Variants in ISLR2 observed in about 807,000 individuals in gnomAD.
The protein encoded by ISLR2 is immunoglobulin superfamily containing leucine rich repeat 2.
A neutral mutation model predicts 25.5 loss-of-function variants in ISLR2; 16 were observed. The ratio of observed to expected loss-of-function variants is 0.63; its 90% CI spans 0.43 to 0.95. ISLR2 has a LOEUF of 0.95. ISLR2 is among the 40% of genes least tolerant of loss of function. The probability of loss-of-function intolerance (pLI) is 0.00; values close to 1 mark genes in which losing one functional copy is unlikely to be tolerated. For synonymous variants in ISLR2, 508 were observed against 486.6 expected (o/e 1.04, Z -0.58); for missense variants, 883 against 1,030.7 (o/e 0.86, Z 1.96).
chr15:74,134,842 G>C lies in ISLR2; in HGVS notation c.2088G>C (p.Leu696=). ...GGGACCTGCAGAGAGAGGAGAGCCT[G>C]GCGGCCTGCTCACTGGTGGAGTCCC... is the stretch of plus-strand genomic sequence containing the variant. ...PSGDLQREES[L]AACSLVESQS... Residue 696 remains leucine, a synonymous_variant, in exon 3 of 3, where the codon CTG becomes CTC. Transcript: ENST00000453268. 1 of 1,614,186 alleles carries C rather than the reference G, an allele frequency of 6.2e-7. No individual in the cohort carries two copies. The highest frequency in any genetic ancestry group is 1.1e-5 in the South Asian group (1 of 91,090).
rs767422428 is a variant in ISLR2, at chr15:74,134,197, G to T, written c.1443G>T (p.Pro481=). 7.8e-5 allele frequency: 126 copies of T among 1,609,958 alleles called. 5 individuals carry two copies. The Middle Eastern group carries it at 9.9e-4, about 13-fold the overall frequency. ...TCAACCAGAGCGCAGAGCTCAAGCCGCACGTCTTCGAGCTGGGCGTCATCG... is the reference window on the plus strand; with the variant it reads ...TCAACCAGAGCGCAGAGCTCAAGCCTCACGTCTTCGAGCTGGGCGTCATCG... ...HAFNQSAELK[P]HVFELGVIAL... is the part of the protein sequence containing the mutation. The change falls in exon 3 of 3, where the codon CCG becomes CCT. Residue 481 remains proline, a synonymous_variant. Coordinates refer to ENST00000453268, the MANE Select transcript of ISLR2 (RefSeq NM_020851.3).
chr15:74,125,718 G>A (rs2072289623), upstream of ISLR2, among the ~76,000 whole-genome samples: 1 of 152,226 alleles, frequency 6.6e-6, no homozygotes, highest in East Asian at 1.9e-4. Context: ...ATGCTGGGAG[G>A]AGGGTCATGG....
rs889455556 is a variant in ISLR2, at chr15:74,132,623, G to C, written c.-8-124G>C. On this transcript the variant is annotated intron_variant, in intron 2 of 2. Transcript: ENST00000453268. This position sits in a 1 kb window ranked among gnomAD's most constrained non-coding sequence, Gnocchi z 4.3. ...CACTTCAGAGAGGCTCCTGGCCATA[G>C]AGGAGGTTACCGGAGCCCTGGAACT... The C allele has an allele frequency of 6.0e-6, 8 of 1,326,208 alleles. No homozygotes were observed. Among genetic ancestry groups the C allele is most frequent in the African/African-American group, 3.0e-5 (2 of 67,542 alleles). 82.2% of individuals were successfully genotyped at this position (1,326,208 alleles called of 1,614,324 possible). A position where few individuals can be genotyped will look rare whatever the true frequency, so the allele number is the denominator to read the frequency against.
At chr15:74,105,827 C>T (rs1465986125) in intron 2 of ISLR2, among the ~76,000 whole-genome samples, 15 of 152,028 alleles carry the variant, frequency 9.9e-5, no homozygotes, top group Admixed American at 8.5e-4. Flanking sequence ...CACCCAGCCT[C>T]GAAAACCAGT....
At chr15:74,129,211 TA>T, upstream of ISLR2, 1 of 371,626 alleles carries the variant, frequency 2.7e-6, no homozygotes, top group Non-Finnish European at 5.3e-6. The surrounding 1 kb of genome is among the most constrained non-coding windows in gnomAD (Gnocchi z 4.5). Flanking sequence ...ACGGCAGGAG[TA>T]GGGGAGAGGG....
At chr15:74,127,544 T>A (rs1369692328), upstream of ISLR2, 1 of 152,406 alleles carries the variant, frequency 6.6e-6, no homozygotes, top group Non-Finnish European at 1.5e-5. Flanking sequence ...AAGTAAAGCC[T>A]CGGGACTTTG....
Position 74,133,636 on chromosome 15 carries a change from G to C in ISLR2, c.882G>C (p.Gly294=). 1 of 1,613,508 alleles carries C rather than the reference G, an allele frequency of 6.2e-7. No individual in the cohort carries two copies. Among genetic ancestry groups the C allele is most frequent in the Non-Finnish European group, 8.5e-7 (1 of 1,179,790 alleles). Reference sequence around the variant, plus strand: ...CGGTTCTGAGCGGGGAGGACGACGGGGTTGGGGCGGAGGAAGGAGAGGGAG... The same window carrying C: ...CGGTTCTGAGCGGGGAGGACGACGGCGTTGGGGCGGAGGAAGGAGAGGGAG... ...EPPVLSGEDD[G]VGAEEGEGEG... The change falls in exon 3 of 3, where the codon GGG becomes GGC. Residue 294 remains glycine (G), a synonymous_variant. Transcript: ENST00000453268.
chr15:74,133,171 C>G lies in ISLR2; in HGVS notation c.417C>G (p.Pro139=), dbSNP rs1435364678. ...KMNHNRLGSL[P]RDALGALPDL... The stretch of plus-strand genomic sequence containing the variant: ...ACCACAACCGCCTGGGCTCTCTGCC[C>G]CGGGACGCACTCGGTGCGCTACCCG... The change falls in exon 3 of 3, where the codon CCC becomes CCG. Residue 139 remains proline (P), a synonymous_variant. Transcript: ENST00000453268. The G allele has an allele frequency of 1.2e-6, 2 of 1,613,234 alleles. No individual in the cohort carries two copies. Among genetic ancestry groups the G allele is most frequent in the African/African-American group, 1.3e-5 (1 of 75,070 alleles).
chr15:74,135,795 G>T lies in ISLR2; in HGVS notation c.*803G>T. The stretch of plus-strand genomic sequence containing the variant: ...TGGGATTACAGGCGTGAGGCACCGC[G>T]CCCGGCCCCTCCTCCCTTTCAATCC... On this transcript the variant is annotated 3_prime_UTR_variant, in exon 3 of 3. Coordinates refer to ENST00000453268, the MANE Select transcript of ISLR2 (RefSeq NM_020851.3). 1 of 165,702 alleles carries T rather than the reference G, an allele frequency of 6.0e-6. No homozygotes were observed. 10.3% of individuals were successfully genotyped at this position (165,702 alleles called of 1,614,324 possible).
downstream of ISLR2, among the ~76,000 whole-genome samples, chr15:74,137,317 A>G (rs2072580105): frequency 6.6e-6 from 1 of 152,230 alleles, no homozygotes; most frequent in Non-Finnish European, 1.5e-5. Flanking sequence ...AACACAAAGT[A>G]CAGAGCGGGC....
chr15:74,139,305 C>T (rs917717922), downstream of ISLR2, among the ~76,000 whole-genome samples: 6 of 152,216 alleles, frequency 3.9e-5, no homozygotes, highest in African/African-American at 1.4e-4. Context: ...TAGTTTCTGT[C>T]CAAATGTTTG....
downstream of ISLR2, among the ~76,000 whole-genome samples, chr15:74,138,083 G>A (rs928168464): frequency 1.3e-5 from 2 of 151,632 alleles, no homozygotes; most frequent in South Asian, 2.1e-4. Flanking sequence ...TAACCTCCTC[G>A]TCTTCTTCCA....
chr15:74,128,963 A>G (rs924944359), upstream of ISLR2: 1 of 451,982 alleles, frequency 2.2e-6, no homozygotes, highest in Non-Finnish European at 4.4e-6. Flanking sequence ...TCAGGGACTC[A>G]CCCCGGGCTA....
exon 1 of ISLR2, chr15:74,100,406 C>T (rs1439534476): frequency 1.0e-5 from 11 of 1,103,152 alleles, no homozygotes; most frequent in Non-Finnish European, 1.3e-5. Flanking sequence ...GAATCCTGCC[C>T]TGGAAAAAAC....
chr15:74,134,252 G>A lies in ISLR2; in HGVS notation c.1498G>A (p.Val500Met). 2 of 1,576,814 alleles carry A rather than the reference G, an allele frequency of 1.3e-6. No individual in the cohort carries two copies. Among genetic ancestry groups the A allele is most frequent in the African/African-American group, 1.3e-5 (1 of 74,216 alleles). The stretch of plus-strand genomic sequence containing the variant: ...GGATGTGGCGGAGCGCGAGGCGCGG[G>A]TGCAGCTGACTCCGCTGGCTGCGCG... ...ALDVAEREAR[V>M]QLTPLAARWG... Residue 500 changes from valine to methionine, a missense_variant, in exon 3 of 3, where the codon GTG becomes ATG. By Grantham distance (21) the Val-to-Met change is conservative (BLOSUM62 1). This residue lies in a region of ISLR2 where 612 missense variants were observed against 642.8 expected (regional missense o/e 0.95). Coordinates refer to ENST00000453268, the MANE Select transcript of ISLR2 (RefSeq NM_020851.3).
chr15:74,137,485 G>C (rs931903569), downstream of ISLR2, among the ~76,000 whole-genome samples: 3 of 152,292 alleles, frequency 2.0e-5, no homozygotes, highest in African/African-American at 4.8e-5. Flanking sequence ...TGCCAAGGGG[G>C]TGCACCTGGG....
chr15:74,121,553 G>A (rs530119057), intron 2 of ISLR2, among the ~76,000 whole-genome samples: 4 of 152,288 alleles, frequency 2.6e-5, no homozygotes, highest in African/African-American at 9.6e-5. Flanking sequence ...ACCCCAAGAT[G>A]AGGCAGGAAG....
intron 2 of ISLR2, among the ~76,000 whole-genome samples, chr15:74,119,225 T>C (rs533521944): frequency 2.6e-5 from 4 of 152,140 alleles, no homozygotes; most frequent in East Asian, 3.9e-4. Flanking sequence ...TCTTTTTTTT[T>C]CCCCAGACAG....
intron 2 of ISLR2, among the ~76,000 whole-genome samples, chr15:74,104,525 G>A (rs942076173): frequency 6.6e-6 from 1 of 152,206 alleles, no homozygotes; most frequent in African/African-American, 2.4e-5. Flanking sequence ...GCTCATGCCT[G>A]TAACCCCAGT....
Sources: gnomAD v4.1 joint callset for allele counts (sites outside exome capture counted in the v4.1 genomes callset) on GRCh38, gnomAD v4.1.1 for gene constraint, gnomAD v4.1.1 regional missense constraint, Gnocchi (gnomAD v3.1) non-coding constraint, MANE v1.5 for transcripts, NCBI Gene and HGNC (gene_info 2026-07-23, HGNC 2026-07-21) for gene names.